The following GPR158 variants were observed in gnomAD, a reference collection of about 807,000 sequenced individuals.
The protein encoded by GPR158 is G protein-coupled receptor 158.
A neutral mutation model predicts 78.2 loss-of-function variants in GPR158; 30 were observed. The observed-to-expected ratio is 0.38, with a 90% CI of 0.29 to 0.52. The LOEUF is 0.52. Among genes scored for constraint, GPR158 ranks in the 20% least tolerant of loss-of-function variants. The pLI is 0.83. For missense variants in GPR158, 1,463 were observed against 1,523.5 expected, an observed-to-expected ratio of 0.96 and a Z score of 0.66; for synonymous variants, 581 against 591.1, an observed-to-expected ratio of 0.98 and a Z score of 0.25.
intron 6 of GPR158, among the ~76,000 whole-genome samples, chr10:25,559,429 T>C (rs1180196559): frequency 6.6e-6 from 1 of 152,202 alleles, no homozygotes; most frequent in Non-Finnish European, 1.5e-5. Flanking sequence ...GCAATGTGTA[T>C]CAAGAGCTTT....
At chr10:25,184,575 A>G (rs1189882354) in intron 1 of GPR158, among the ~76,000 whole-genome samples, 1 of 152,262 alleles carries the variant, frequency 6.6e-6, no homozygotes, top group African/African-American at 2.4e-5. Context: ...TTGTGCTAGA[A>G]ACTACAGCAA....
chr10:25,262,867 T>A (rs1055896377), intron 2 of GPR158, among the ~76,000 whole-genome samples: 1 of 152,198 alleles, frequency 6.6e-6, no homozygotes, highest in Non-Finnish European at 1.5e-5. Flanking sequence ...AAGTCCTCTG[T>A]GTATTCTTTG....
rs963986137 is a variant in GPR158, at chr10:25,203,934, T to C, written c.903-17118T>C. On this transcript the variant is annotated intron_variant, in intron 1 of 10. Coordinates refer to ENST00000376351, the MANE Select transcript of GPR158 (RefSeq NM_020752.3). ...TTTGTTTGTATCCTCTTTTATTTCA[T>C]TGAGCAGTGGTTTGTACTTCTCCTT... 4.1e-5 allele frequency among the ~76,000 whole-genome samples: 6 copies of C among 144,950 alleles called. 2 individuals are homozygous for C. Among genetic ancestry groups the C allele is most frequent in the African/African-American group, 5.3e-5 (2 of 37,992 alleles).
intron 7 of GPR158, among the ~76,000 whole-genome samples, chr10:25,574,146 C>CA (rs34285790): frequency 0.062 from 3,892 of 62,324 alleles, 525 homozygotes; most frequent in African/African-American, 0.15. Flanking sequence ...TTCTGTTTTA[C>CA]AAAAAAAAAA....
chr10:25,275,277 G>A (rs1283366145), intron 2 of GPR158, among the ~76,000 whole-genome samples: 1 of 152,120 alleles, frequency 6.6e-6, no homozygotes, highest in Non-Finnish European at 1.5e-5. Context: ...TCAGGAGCAA[G>A]GTTTTTGAAG....
At position 25,256,530 on chromosome 10, in the gene GPR158, A is replaced by G. The variant is rs184319881; in HGVS notation, c.1008+35373A>G. The stretch of plus-strand genomic sequence containing the variant: ...TTTAATTAGCTGAGTATGGTGGCAC[A>G]TGTGTATGCACATGTCCTGTGGTCC... On this transcript the variant is annotated intron_variant, in intron 2 of 10. Transcript: ENST00000376351. Among the ~76,000 whole-genome samples the G allele has an allele frequency of 3.6e-3, 545 of 151,984 alleles. 3 individuals carry two copies. Among genetic ancestry groups the G allele is most frequent in the African/African-American group, 0.012 (513 of 41,460 alleles).
intron 5 of GPR158, among the ~76,000 whole-genome samples, chr10:25,548,150 T>G (rs1464832726): frequency 6.6e-6 from 1 of 152,186 alleles, no homozygotes; most frequent in Admixed American, 6.6e-5. Context: ...AAATAGATCA[T>G]TGAGCAAATA....
At chr10:25,352,940 AAAAT>A (rs996824702) in intron 2 of GPR158, among the ~76,000 whole-genome samples, 55 of 152,206 alleles carry the variant, frequency 3.6e-4, no homozygotes, top group African/African-American at 9.6e-4. Context: ...ATAAAAATAT[AAAAT>A]AAATGACATA....
chr10:25,528,551 C>T (rs980708310), intron 5 of GPR158, among the ~76,000 whole-genome samples: 2 of 151,714 alleles, frequency 1.3e-5, no homozygotes, highest in Admixed American at 6.6e-5. Context: ...TACCTAAAAG[C>T]ACTAAATACA....
At chr10:25,279,137 A>T (rs1415276468) in intron 2 of GPR158, among the ~76,000 whole-genome samples, 1 of 152,154 alleles carries the variant, frequency 6.6e-6, no homozygotes, top group Non-Finnish European at 1.5e-5. Context: ...AAGGTAAATG[A>T]CAACACTACT....
rs10642944 is a variant in GPR158, at chr10:25,212,627, C to CTTTT, written c.903-8406_903-8403dup. Among the ~76,000 whole-genome samples, 443 of 78,552 alleles carry CTTTT rather than the reference C, an allele frequency of 5.6e-3. 30 individuals are homozygous for CTTTT. Among genetic ancestry groups the CTTTT allele is most frequent in the South Asian group, 0.016 (28 of 1,766 alleles). The allele number at this position is 78,552 out of a possible 152,430, so 51.5% of individuals were successfully genotyped here. A position where few individuals can be genotyped will look rare whatever the true frequency, so the allele number is the denominator to read the frequency against. ...TACTTAACTACTAGAGAATTTATAG[C>CTTTT]TTTTTTTTTTTTTTTTTTTTTTGAG... On this transcript the variant is annotated intron_variant, in intron 1 of 10. Transcript: ENST00000376351.
chr10:25,242,091 CAGT>C (rs1853635801), intron 2 of GPR158, among the ~76,000 whole-genome samples: 1 of 152,200 alleles, frequency 6.6e-6, no homozygotes, highest in Non-Finnish European at 1.5e-5. Context: ...AAGGACCTCT[CAGT>C]AGCCACGTGG....
intron 2 of GPR158, among the ~76,000 whole-genome samples, chr10:25,238,641 C>T (rs1853562056): frequency 6.6e-6 from 1 of 152,126 alleles, no homozygotes; most frequent in African/African-American, 2.4e-5. Context: ...GATTTACTTT[C>T]TAGCTCGCCT....
At chr10:25,193,198 A>G (rs1020662342) in intron 1 of GPR158, among the ~76,000 whole-genome samples, 1 of 152,184 alleles carries the variant, frequency 6.6e-6, no homozygotes, top group African/African-American at 2.4e-5. Flanking sequence ...GATGGGGGAA[A>G]TGCATAATAA....
At chr10:25,554,307 T>C (rs16926083) in intron 6 of GPR158, among the ~76,000 whole-genome samples, 2,023 of 152,296 alleles carry the variant, frequency 0.013, 47 homozygotes, top group African/African-American at 0.046. Context: ...TGAATACTGA[T>C]TTATGAAATG....
intron 5 of GPR158, among the ~76,000 whole-genome samples, chr10:25,540,945 AATATATATATATATATAT>A (rs57800341): frequency 1.2e-5 from 1 of 82,922 alleles, no homozygotes; most frequent in Non-Finnish European, 2.1e-5. Flanking sequence ...GTATAATAAA[AATATATATATATATATAT>A]ATATATATAT....
At chr10:25,454,939 A>G (rs1156558001) in intron 4 of GPR158, among the ~76,000 whole-genome samples, 1 of 152,174 alleles carries the variant, frequency 6.6e-6, no homozygotes, top group Non-Finnish European at 1.5e-5. Context: ...TCAGTCACTC[A>G]TTCATTTATT....
In GPR158 at chr10:25,405,218, T is replaced by A. The variant is rs575940148; in HGVS notation, c.1112-7032T>A. 1.1e-3 allele frequency among the ~76,000 whole-genome samples: 169 copies of A among 152,172 alleles called. 3 individuals are homozygous for A. In the South Asian group the frequency reaches 0.034, roughly 31 times the overall value. ...TTTCTATTATAATGCAGAAATGATA[T>A]CTAAGTCCAATTTAGAAATAACATT... On this transcript the variant is annotated intron_variant, in intron 3 of 10. Coordinates refer to ENST00000376351, the MANE Select transcript of GPR158 (RefSeq NM_020752.3).
At chr10:25,498,415 A>C (rs1233552988) in intron 5 of GPR158, among the ~76,000 whole-genome samples, 1 of 152,202 alleles carries the variant, frequency 6.6e-6, no homozygotes, top group Non-Finnish European at 1.5e-5. Flanking sequence ...ACACATTGGA[A>C]GCATCTAAGA....
Sources: allele counts gnomAD v4.1 joint callset (sites outside exome capture counted in the v4.1 genomes callset), GRCh38; gene constraint gnomAD v4.1.1; transcripts MANE v1.5; gene names NCBI Gene and HGNC (gene_info 2026-07-23, HGNC 2026-07-21).